The following MSRA variants were observed in gnomAD, a reference collection of about 807,000 sequenced individuals.
MSRA encodes the protein mitochondrial peptide methionine sulfoxide reductase.
A neutral mutation model predicts 31.3 loss-of-function variants in MSRA; 54 were observed. The ratio of observed to expected loss-of-function variants is 1.73; its 90% CI spans 1.39 to 2.17. The LOEUF is 2.17. Among genes scored for constraint, MSRA ranks in the 30% most tolerant of loss-of-function variants. The probability of loss-of-function intolerance (pLI) is 0.00; values close to 1 mark genes in which losing one functional copy is unlikely to be tolerated. For missense variants in MSRA, 507 were observed against 300.9 expected, an observed-to-expected ratio of 1.69 and a Z score of -5.07; for synonymous variants, 169 against 116.5, an observed-to-expected ratio of 1.45 and a Z score of -2.90.
At chr8:10,303,513 G>A (rs1241709230) in intron 4 of MSRA, among the ~76,000 whole-genome samples, 4 of 152,188 alleles carry the variant, frequency 2.6e-5, no homozygotes, top group Non-Finnish European at 4.4e-5. Context: ...ATCATAGGTG[G>A]TAATATGGAG....
At chr8:10,387,279 A>C (rs367892476) in intron 5 of MSRA, among the ~76,000 whole-genome samples, 19 of 152,354 alleles carry the variant, frequency 1.2e-4, no homozygotes, top group African/African-American at 4.1e-4. Context: ...AAGCAGGTAA[A>C]ACAGAGCAAA....
intron 5 of MSRA, among the ~76,000 whole-genome samples, chr8:10,420,581 G>A (rs573099938): frequency 3.9e-5 from 6 of 152,046 alleles, no homozygotes; most frequent in African/African-American, 1.2e-4. Flanking sequence ...AGGATGATGC[G>A]GGCCTCTTTC....
At chr8:10,213,432 C>CTTTTTTTTTTTTTTTT (rs1198665886) in intron 2 of MSRA, among the ~76,000 whole-genome samples, 1 of 76,738 alleles carries the variant, frequency 1.3e-5, no homozygotes, top group Non-Finnish European at 2.3e-5. Context: ...ACCACACTTT[C>CTTTTTTTTTTTTTTTT]TTTTTTTTTT....
chr8:10,308,192 T>C (rs1801242965), intron 4 of MSRA, among the ~76,000 whole-genome samples: 1 of 152,240 alleles, frequency 6.6e-6, no homozygotes, highest in South Asian at 2.1e-4. Flanking sequence ...GCCTTCTTAT[T>C]CTCATTTTCT....
chr8:10,074,958 A>C (rs861497), intron 1 of MSRA, among the ~76,000 whole-genome samples: 135,776 of 152,196 alleles, frequency 0.89, 62,172 homozygotes, highest in Non-Finnish European at 0.99. Context: ...CACGCCCGGC[A>C]CCCTGTACTT....
intron 1 of MSRA, among the ~76,000 whole-genome samples, chr8:10,159,708 G>A (rs940816615): frequency 6.6e-5 from 10 of 152,170 alleles, no homozygotes; most frequent in African/African-American, 2.2e-4. Context: ...GGCAGAATTT[G>A]ATTGGCATTA....
chr8:10,166,150 A>G (rs2129044325), intron 1 of MSRA, among the ~76,000 whole-genome samples: 1 of 152,308 alleles, frequency 6.6e-6, no homozygotes, highest in Admixed American at 6.5e-5. Flanking sequence ...GGGCAGTCTC[A>G]CACTGGGTAT....
chr8:10,079,281 C>T (rs945848355), intron 1 of MSRA, among the ~76,000 whole-genome samples: 9 of 152,076 alleles, frequency 5.9e-5, no homozygotes, highest in African/African-American at 2.2e-4. Flanking sequence ...ATCTCAGCCT[C>T]CCACATAGCT....
At chr8:10,348,450 A>C (rs910412279) in intron 5 of MSRA, among the ~76,000 whole-genome samples, 1 of 134,094 alleles carries the variant, frequency 7.5e-6, no homozygotes, top group Admixed American at 9.1e-5. Context: ...GCTCACTGCA[A>C]CCTCTGCCTC....
At chr8:10,106,307 C>G (rs567790561) in intron 1 of MSRA, among the ~76,000 whole-genome samples, 1 of 152,196 alleles carries the variant, frequency 6.6e-6, no homozygotes, top group Non-Finnish European at 1.5e-5. Flanking sequence ...GTGAGCCTCC[C>G]TTCAGCATAT....
At chr8:10,266,339 C>T (rs985971120) in intron 3 of MSRA, among the ~76,000 whole-genome samples, 12 of 152,152 alleles carry the variant, frequency 7.9e-5, no homozygotes, top group Non-Finnish European at 1.3e-4. Context: ...ATTTTCCTGA[C>T]GACCGAATTA....
intron 5 of MSRA, among the ~76,000 whole-genome samples, chr8:10,359,067 T>C (rs953448538): frequency 6.6e-6 from 1 of 152,186 alleles, no homozygotes; most frequent in South Asian, 2.1e-4. Flanking sequence ...AAATTGTCCA[T>C]GGATTGATAG....
chr8:10,283,182 G>A (rs746291096), intron 3 of MSRA, among the ~76,000 whole-genome samples: 2 of 82,872 alleles, frequency 2.4e-5, no homozygotes, highest in Non-Finnish European at 5.4e-5. Flanking sequence ...CTCTTTGCTG[G>A]GGAAAGGTTT....
At chr8:10,194,150 C>T (rs1451944983) in intron 1 of MSRA, among the ~76,000 whole-genome samples, 1 of 152,144 alleles carries the variant, frequency 6.6e-6, no homozygotes, top group Non-Finnish European at 1.5e-5. Context: ...TCTCACTCTC[C>T]CCCTCTCTCC....
chr8:10,180,023 A>G (rs974106963), intron 1 of MSRA, among the ~76,000 whole-genome samples: 3 of 152,130 alleles, frequency 2.0e-5, no homozygotes, highest in African/African-American at 4.8e-5. Context: ...TAATAATTCA[A>G]TTCAATTCTG....
chr8:10,183,786 G>A (rs1428931750), intron 1 of MSRA, among the ~76,000 whole-genome samples: 1 of 150,702 alleles, frequency 6.6e-6, no homozygotes, highest in South Asian at 2.1e-4. Context: ...TGGTGGTGGT[G>A]GTGGTGGTGG....
intron 5 of MSRA, among the ~76,000 whole-genome samples, chr8:10,326,167 T>C (rs1802352072): frequency 6.6e-6 from 1 of 152,204 alleles, no homozygotes; most frequent in African/African-American, 2.4e-5. Context: ...TCTTCTTCAC[T>C]AGCCTGCTCC....
In MSRA at chr8:10,355,211, G is replaced by C. The variant is rs559199551; in HGVS notation, c.543+35222G>C. 1.4e-4 allele frequency among the ~76,000 whole-genome samples: 21 copies of C among 152,280 alleles called. No homozygotes were observed. The South Asian group carries it at 4.4e-3, about 32-fold the overall frequency. On this transcript the variant is annotated intron_variant, in intron 5 of 5. Transcript: ENST00000317173. ...CTCTTCCTGCCCAGCCCAGTTCCTG[G>C]CCCAGAGGCCATGGCAGTTTGCATG...
Position 10,210,329 on chromosome 8 carries a change from GT to G in MSRA, c.211+2430del, listed in dbSNP as rs559623601. 3.3e-5 allele frequency among the ~76,000 whole-genome samples: 5 copies of G among 152,308 alleles called. No individual in the cohort carries two copies. In the South Asian group the frequency reaches 1.0e-3, roughly 32 times the overall value. The stretch of plus-strand genomic sequence containing the variant: ...TAATTGACCTGGAATCTATGTTCTT[GT>G]TGTGATGTTCCCTGACTCTCTCTGC... On this transcript the variant is annotated intron_variant, in intron 2 of 5. Transcript: ENST00000317173.
Sources: allele counts gnomAD v4.1 joint callset (sites outside exome capture counted in the v4.1 genomes callset), GRCh38; gene constraint gnomAD v4.1.1; transcripts MANE v1.5; gene names NCBI Gene and HGNC (gene_info 2026-07-23, HGNC 2026-07-21).